PUDP: variants seen among roughly 807,000 people sequenced by gnomAD.
PUDP encodes pseudouridine 5'-phosphatase.
PUDP carries 8 observed loss-of-function variants against 9.4 expected under a neutral mutation model. The observed-to-expected ratio is 0.85, with a 90% CI of 0.50 to 1.53. The LOEUF (loss-of-function observed/expected upper bound fraction) is 1.53. Ranked by LOEUF, PUDP falls within the 40% of genes most tolerant of loss-of-function variation. The pLI, the probability that PUDP is intolerant of heterozygous loss-of-function variation, is 0.00. For synonymous variants in PUDP, 99 were observed against 80.7 expected, an observed-to-expected ratio of 1.23 and a Z score of -1.22; for missense variants, 188 against 189.7, an observed-to-expected ratio of 0.99 and a Z score of 0.05.
intron 2 of PUDP, among the ~76,000 whole-genome samples, chrX:7,092,269 C>G (rs1931441984): frequency 8.9e-6 from 1 of 112,792 alleles, no homozygotes; most frequent in South Asian, 3.6e-4. Flanking sequence ...TAAGAGGTAA[C>G]AGAAAAGTAT....
rs1225283037 is a variant in PUDP, at chrX:7,138,574, T to C, written c.61+9479A>G. On this transcript the variant is annotated intron_variant, in intron 1 of 3. Transcript: ENST00000381077. ...TTTTAGTAGAGATGGGGTTTCGCCA[T>C]GTTGGCCGGGGTGGTCTCGAACTCT... is the stretch of plus-strand genomic sequence containing the variant. Among the ~76,000 whole-genome samples, 3 of 111,218 alleles carry C rather than the reference T, an allele frequency of 2.7e-5. No individual in the cohort carries two copies. In the East Asian group the frequency reaches 8.5e-4, roughly 32 times the overall value.
downstream of PUDP, among the ~76,000 whole-genome samples, chrX:7,046,923 G>A (rs1602727499): frequency 8.9e-6 from 1 of 111,916 alleles, no homozygotes; most frequent in African/African-American, 3.2e-5. Flanking sequence ...CATATACCAT[G>A]TTGTTGAAAT....
At chrX:6,899,773 C>T (rs766051291) in intron 3 of PUDP, among the ~76,000 whole-genome samples, 43 of 110,988 alleles carry the variant, frequency 3.9e-4, no homozygotes, top group African/African-American at 1.3e-3. Flanking sequence ...AATTTGAAAT[C>T]TCTATCCCTC....
chrX:6,712,389 A>T (rs191457616), intron 1 of PUDP, among the ~76,000 whole-genome samples: 2 of 111,669 alleles, frequency 1.8e-5, no homozygotes, highest in East Asian at 2.8e-4. Context: ...ACCTCAAGTG[A>T]TCTGCCCGCC....
chrX:7,087,438 TCAGA>T (rs1931297580), intron 2 of PUDP, among the ~76,000 whole-genome samples: 1 of 111,769 alleles, frequency 8.9e-6, no homozygotes, highest in South Asian at 3.7e-4. Flanking sequence ...TTCTGAGGTG[TCAGA>T]CAGTTAAGTT....
At chrX:7,127,267 G>C (rs1932509295) in intron 1 of PUDP, among the ~76,000 whole-genome samples, 1 of 112,195 alleles carries the variant, frequency 8.9e-6, no homozygotes, top group Non-Finnish European at 1.9e-5. Context: ...CAGCTGGTAA[G>C]AGACCGCCTT....
chrX:6,794,749 G>A (rs1324342828), intron 3 of PUDP, among the ~76,000 whole-genome samples: 1 of 108,547 alleles, frequency 9.2e-6, no homozygotes, highest in Admixed American at 9.9e-5. Context: ...TAGTAGAGAA[G>A]GAGTTTCGCC....
At chrX:6,918,985 C>T (rs752880156) in intron 3 of PUDP, among the ~76,000 whole-genome samples, 43 of 112,292 alleles carry the variant, frequency 3.8e-4, no homozygotes, top group Non-Finnish European at 7.3e-4. Flanking sequence ...GTTTGATCTA[C>T]GTTCATGTCT....
chrX:6,791,577 A>C (rs1476301994), intron 3 of PUDP, among the ~76,000 whole-genome samples: 1 of 110,614 alleles, frequency 9.0e-6, no homozygotes, highest in African/African-American at 3.3e-5. Flanking sequence ...AGAGGAATTG[A>C]GGGTGGGACT....
intron 3 of PUDP, among the ~76,000 whole-genome samples, chrX:6,753,499 T>C (rs764503703): frequency 7.1e-5 from 8 of 111,994 alleles, no homozygotes; most frequent in Non-Finnish European, 1.3e-4. Flanking sequence ...AATAGTGGGA[T>C]TGCTTGATCA....
chrX:6,939,420 T>C (rs888584961), intron 3 of PUDP, among the ~76,000 whole-genome samples: 3 of 107,773 alleles, frequency 2.8e-5, no homozygotes, highest in Admixed American at 2.0e-4. Context: ...TAATCTATAA[T>C]AGATACATTA....
chrX:6,889,304 T>C (rs779959340), intron 3 of PUDP, among the ~76,000 whole-genome samples: 1 of 111,698 alleles, frequency 9.0e-6, no homozygotes, highest in Non-Finnish European at 1.9e-5. Flanking sequence ...TCCACGTTGA[T>C]TGACATTTTC....
chrX:6,880,274 C>A (rs1927327488), intron 3 of PUDP, among the ~76,000 whole-genome samples: 2 of 110,465 alleles, frequency 1.8e-5, no homozygotes, highest in Admixed American at 1.9e-4. Flanking sequence ...TTCCCCTGAG[C>A]CCCCAAAGTC....
intron 3 of PUDP, among the ~76,000 whole-genome samples, chrX:6,865,739 C>T (rs1228837143): frequency 2.7e-5 from 3 of 110,901 alleles, no homozygotes; most frequent in Non-Finnish European, 5.7e-5. Flanking sequence ...TTACACAAAC[C>T]TCATAAGTCA....
intron 1 of PUDP, among the ~76,000 whole-genome samples, chrX:7,011,774 T>G (rs759326243): frequency 8.9e-6 from 1 of 112,046 alleles, no homozygotes; most frequent in African/African-American, 3.3e-5. Flanking sequence ...CTAGAGCAAT[T>G]TCTTGGATCC....
At chrX:6,847,689 C>T (rs1602644057) in intron 3 of PUDP, among the ~76,000 whole-genome samples, 1 of 112,399 alleles carries the variant, frequency 8.9e-6, no homozygotes, top group South Asian at 3.7e-4. Context: ...TATTGGTTAG[C>T]TATTGCTGTA....
At chrX:7,096,041 C>T (rs1266574728) in intron 2 of PUDP, among the ~76,000 whole-genome samples, 2 of 112,255 alleles carry the variant, frequency 1.8e-5, no homozygotes, top group Admixed American at 1.9e-4. Context: ...CATGTTAGCA[C>T]TGCATGGACT....
intron 3 of PUDP, among the ~76,000 whole-genome samples, chrX:6,948,229 G>C (rs1431194712): frequency 8.9e-6 from 1 of 111,870 alleles, no homozygotes; most frequent in Non-Finnish European, 1.9e-5. Flanking sequence ...GCAGGCTTTA[G>C]AAAAGGGGAG....
intron 1 of PUDP, among the ~76,000 whole-genome samples, chrX:7,135,202 G>A (rs1314090310): frequency 8.9e-6 from 1 of 111,952 alleles, no homozygotes; most frequent in Admixed American, 9.5e-5. Context: ...GCTGAGAGGT[G>A]CAGTGAGAGC....
Sources: gnomAD v4.1 joint callset for allele counts (sites outside exome capture counted in the v4.1 genomes callset) on GRCh38, gnomAD v4.1.1 for gene constraint, MANE v1.5 for transcripts, NCBI Gene and HGNC (gene_info 2026-07-23, HGNC 2026-07-21) for gene names.